The following SLCO4C1 variants were observed in gnomAD, a reference collection of about 807,000 sequenced individuals.
SLCO4C1 encodes organic anion transporter M1.
SLCO4C1 carries 58 observed loss-of-function variants against 72.1 expected under a neutral mutation model. The observed-to-expected ratio is 0.80, with a 90% CI of 0.65 to 1.00. The LOEUF (loss-of-function observed/expected upper bound fraction) is 1.00. Ranked by LOEUF, SLCO4C1 falls within the 50% of genes least tolerant of loss-of-function variation. The pLI is 0.00. For missense variants in SLCO4C1, 898 were observed against 857.9 expected (o/e 1.05, Z -0.58); for synonymous variants, 297 against 312.5 (o/e 0.95, Z 0.52).
chr5:102,264,452 G>A (rs577752379), intron 3 of SLCO4C1, among the ~76,000 whole-genome samples: 1 of 151,954 alleles, frequency 6.6e-6, no homozygotes, highest in Non-Finnish European at 1.5e-5. Flanking sequence ...GTATTTTGGG[G>A]AGTCAGTTGA....
chr5:102,296,014 A>C lies in SLCO4C1; in HGVS notation c.249T>G (p.Phe83Leu), dbSNP rs1305892979. 1.9e-6 allele frequency: 3 copies of C among 1,614,222 alleles called. No homozygotes were observed. Among genetic ancestry groups the C allele is most frequent in the Non-Finnish European group, 2.5e-6 (3 of 1,180,040 alleles). ...EKLRSLSLSE[F>L]EEGSYGWRNF... ...TCCTCCAGCCGTAAGACCCCTCCTC[A>C]AACTCGGACAGCGACAGTGACCGGA... The change falls in exon 1 of 13, where the codon TTT becomes TTG. Residue 83 changes from phenylalanine to leucine, a missense_variant. By Grantham distance (22) the Phe-to-Leu change is conservative (BLOSUM62 0). Transcript: ENST00000310954.
intron 2 of SLCO4C1, among the ~76,000 whole-genome samples, chr5:102,279,531 TAG>T: frequency 6.6e-6 from 1 of 151,860 alleles, no homozygotes; most frequent in African/African-American, 2.4e-5. Context: ...CAGAAAATAG[TAG>T]AGGAGGAACA....
chr5:102,271,917 A>G (rs866978190), intron 2 of SLCO4C1, among the ~76,000 whole-genome samples: 1 of 152,184 alleles, frequency 6.6e-6, no homozygotes, highest in Non-Finnish European at 1.5e-5. Flanking sequence ...CCTCAGAAGA[A>G]AAGTAGGTCA....
intron 2 of SLCO4C1, among the ~76,000 whole-genome samples, chr5:102,276,433 C>A (rs1749247942): frequency 6.6e-6 from 1 of 152,208 alleles, no homozygotes; most frequent in Non-Finnish European, 1.5e-5. Context: ...AGCAGGGCGA[C>A]AATTAACCAG....
Position 102,236,588 on chromosome 5 carries a change from G to A in SLCO4C1, c.*270C>T. The A allele has an allele frequency of 3.1e-6, 1 of 324,420 alleles. No individual in the cohort carries two copies. The highest frequency in any genetic ancestry group is 5.6e-6 in the Non-Finnish European group (1 of 179,976). 20.1% of individuals were successfully genotyped at this position (324,420 alleles called of 1,614,324 possible). On this transcript the variant is annotated 3_prime_UTR_variant, in exon 13 of 13. Transcript: ENST00000310954. Reference sequence around the variant, plus strand: ...AATAAGTGTGTATGTGTGCGTGTGTGTGTGTGTGTGTGTGTTCGTGTGTGT... The same window carrying A: ...AATAAGTGTGTATGTGTGCGTGTGTATGTGTGTGTGTGTGTTCGTGTGTGT...
Position 102,236,574 on chromosome 5 carries a change from ATGTGTGCGTGTGTG to A in SLCO4C1, c.*270_*283del, listed in dbSNP as rs1748435439. 4.6e-6 allele frequency: 1 copy of A among 216,944 alleles called. No homozygotes were observed. Among genetic ancestry groups the A allele is most frequent in the Non-Finnish European group, 8.2e-6 (1 of 122,070 alleles). 13.4% of individuals were successfully genotyped at this position (216,944 alleles called of 1,614,324 possible). ...CAATGGGAATAGGAAATAAGTGTGT[ATGTGTGCGTGTGTG>A]TGTGTGTGTGTGTGTTCGTGTGTGT... On this transcript the variant is annotated 3_prime_UTR_variant, in exon 13 of 13. Coordinates refer to ENST00000310954, the MANE Select transcript of SLCO4C1 (RefSeq NM_180991.5).
intron 2 of SLCO4C1, among the ~76,000 whole-genome samples, chr5:102,289,405 T>C (rs1276597142): frequency 6.6e-6 from 1 of 152,122 alleles, no homozygotes; most frequent in Non-Finnish European, 1.5e-5. Flanking sequence ...CTGGAAGAAG[T>C]ATTTACGTTT....
At chr5:102,242,183 G>C (rs935345031) in intron 10 of SLCO4C1, among the ~76,000 whole-genome samples, 9 of 152,220 alleles carry the variant, frequency 5.9e-5, no homozygotes, top group African/African-American at 1.9e-4. Flanking sequence ...CTATGCAGCA[G>C]TCCAAACTTG....
rs191288939 is a variant in SLCO4C1, at chr5:102,252,293, G to A, written c.1470-2505C>T. Among the ~76,000 whole-genome samples the A allele has an allele frequency of 3.5e-3, 525 of 152,166 alleles. 2 individuals are homozygous for A. The highest frequency in any genetic ancestry group is 0.012 in the African/African-American group (495 of 41,530). ...GAAAATGATGACATACAAAGTAGGCGGAGAACAAGAAAGTCATGAAGAAAA... is the reference window on the plus strand; with the variant it reads ...GAAAATGATGACATACAAAGTAGGCAGAGAACAAGAAAGTCATGAAGAAAA... On this transcript the variant is annotated intron_variant, in intron 8 of 12. Coordinates refer to ENST00000310954, the MANE Select transcript of SLCO4C1 (RefSeq NM_180991.5).
At chr5:102,240,355 T>A (rs1243695946) in intron 11 of SLCO4C1, among the ~76,000 whole-genome samples, 1 of 152,118 alleles carries the variant, frequency 6.6e-6, no homozygotes, top group Non-Finnish European at 1.5e-5. Flanking sequence ...ACAGTTGCTG[T>A]TGAAACATTT....
rs1748985319 is a variant in SLCO4C1 at position 102,263,768 on chromosome 5, G to C, written c.815C>G (p.Ala272Gly). 1 of 1,611,798 alleles carries C rather than the reference G, an allele frequency of 6.2e-7. No individual in the cohort carries two copies. The highest frequency in any genetic ancestry group is 1.3e-5 in the African/African-American group (1 of 74,798). The stretch of plus-strand genomic sequence containing the variant: ...AATAGCAGGGCCTAAGATTGACATA[G>C]CATAACCGGTTCCTAGAAGAAGAAC... ...KSSLYIGTGYAMSILGPAIGY... is the reference protein window; with the variant it reads ...KSSLYIGTGYGMSILGPAIGY... The change falls in exon 4 of 13, where the codon GCT becomes GGT. Residue 272 changes from alanine (A) to glycine (G), a missense_variant. Coordinates refer to ENST00000310954, the MANE Select transcript of SLCO4C1 (RefSeq NM_180991.5).
At position 102,295,895 on chromosome 5, in the gene SLCO4C1, C is replaced by A; in HGVS notation, c.355+13G>T. 3 of 1,604,574 alleles carry A rather than the reference C, an allele frequency of 1.9e-6. No homozygotes were observed. Among genetic ancestry groups the A allele is most frequent in the Non-Finnish European group, 1.7e-6 (2 of 1,173,518 alleles). On this transcript the variant is annotated intron_variant, in intron 1 of 12. Transcript: ENST00000310954. ...TCCACTGGCCCGAGCCTCAAGCGGG[C>A]GCTGGACTTTACCTTGCGTGACGGC...
intron 2 of SLCO4C1, among the ~76,000 whole-genome samples, chr5:102,282,561 G>A (rs1273314315): frequency 6.6e-6 from 1 of 151,828 alleles, no homozygotes; most frequent in Non-Finnish European, 1.5e-5. Context: ...TGAAATAATA[G>A]AAAAGCAAAA....
chr5:102,287,891 T>C (rs1749486412), intron 2 of SLCO4C1, among the ~76,000 whole-genome samples: 1 of 152,106 alleles, frequency 6.6e-6, no homozygotes. Flanking sequence ...CGTTTCTAAA[T>C]GTCTGAATTC....
intron 10 of SLCO4C1, among the ~76,000 whole-genome samples, chr5:102,244,574 G>T (rs188319283): frequency 3.3e-4 from 50 of 152,188 alleles, no homozygotes; most frequent in Middle Eastern, 6.8e-3. Context: ...ACCCAAAGAA[G>T]ACTACCTCAA....
At chr5:102,264,752 T>G (rs1749004219) in intron 3 of SLCO4C1, among the ~76,000 whole-genome samples, 1 of 152,028 alleles carries the variant, frequency 6.6e-6, no homozygotes, top group Non-Finnish European at 1.5e-5. Flanking sequence ...TTCTATCCAT[T>G]AACAAATCTC....
At chr5:102,278,560 T>C (rs1749291296) in intron 2 of SLCO4C1, among the ~76,000 whole-genome samples, 1 of 152,186 alleles carries the variant, frequency 6.6e-6, no homozygotes, top group African/African-American at 2.4e-5. Flanking sequence ...CCACAGAACA[T>C]ATGCCAAGGC....
intron 12 of SLCO4C1, among the ~76,000 whole-genome samples, chr5:102,237,520 G>A (rs754515810): frequency 3.9e-5 from 6 of 152,126 alleles, no homozygotes; most frequent in Non-Finnish European, 7.4e-5. Context: ...GCTGACGTGA[G>A]AGGATCGCTT....
chr5:102,291,525 A>G lies in SLCO4C1; in HGVS notation c.437T>C (p.Leu146Pro), dbSNP rs1421616338. The change falls in exon 2 of 13, where the codon CTG (leucine) becomes CCG (proline). Residue 146 changes from leucine (L) to proline (P), a missense_variant. Physicochemically the swap from Leu to Pro is moderately conservative, Grantham distance 98 (BLOSUM62 -3). Coordinates refer to ENST00000310954, the MANE Select transcript of SLCO4C1 (RefSeq NM_180991.5). The stretch of plus-strand genomic sequence containing the variant: ...TGAAATATCGTAGCTTGATGAAATC[A>G]GGCCAGTCAGGGAACTCTTCATTTC... ...RYEMKSSLTG[L>P]ISSSYDISFC... The G allele has an allele frequency of 1.9e-6, 3 of 1,614,120 alleles. No individual in the cohort carries two copies. Among genetic ancestry groups the G allele is most frequent in the South Asian group, 1.1e-5 (1 of 91,082 alleles).
Sources: gnomAD v4.1 joint callset for allele counts (sites outside exome capture counted in the v4.1 genomes callset) on GRCh38, gnomAD v4.1.1 for gene constraint, MANE v1.5 for transcripts, NCBI Gene and HGNC (gene_info 2026-07-23, HGNC 2026-07-21) for gene names.